Variants in KCNN2 observed in about 807,000 individuals in gnomAD.
KCNN2 encodes potassium calcium-activated channel subfamily N member 2, also known as small conductance calcium-activated potassium channel protein 2.
KCNN2 carries 24 observed loss-of-function variants against 55.5 expected under a neutral mutation model. That is an observed-to-expected ratio of 0.43 (90% CI 0.31 to 0.61). The LOEUF (loss-of-function observed/expected upper bound fraction) is 0.61, where lower values mean the gene tolerates loss of function less well. KCNN2 is among the 20% of genes least tolerant of loss of function. The pLI, the probability that KCNN2 is intolerant of heterozygous loss-of-function variation, is 0.08. For synonymous variants in KCNN2, 431 were observed against 336.1 expected (o/e 1.28, Z -3.09); for missense variants, 754 against 853.6 (o/e 0.88, Z 1.45).
intron 3 of KCNN2, among the ~76,000 whole-genome samples, chr5:114,415,082 T>G (rs1353903287): frequency 6.6e-6 from 1 of 152,214 alleles, no homozygotes; most frequent in Non-Finnish European, 1.5e-5. Context: ...TAATATATAG[T>G]CTTTTACATC....
intron 2 of KCNN2, among the ~76,000 whole-genome samples, chr5:114,355,725 G>A (rs769386223): frequency 3.3e-5 from 5 of 152,102 alleles, no homozygotes; most frequent in African/African-American, 4.8e-5. Flanking sequence ...GCAGGGTGAA[G>A]AATTTGAGCC....
At chr5:114,319,868 C>T (rs1001214676) in intron 2 of KCNN2, among the ~76,000 whole-genome samples, 3 of 152,172 alleles carry the variant, frequency 2.0e-5, no homozygotes, top group African/African-American at 7.2e-5. Flanking sequence ...AATTGTGACT[C>T]ATATAATCTG....
At chr5:114,159,840 G>A (rs369230314) in intron 1 of KCNN2, among the ~76,000 whole-genome samples, 23 of 152,046 alleles carry the variant, frequency 1.5e-4, no homozygotes, top group Non-Finnish European at 8.8e-5. Flanking sequence ...CTGTGAGATC[G>A]GTGGTGACAT....
At chr5:114,263,675 T>G (rs1175932089) in intron 2 of KCNN2, among the ~76,000 whole-genome samples, 1 of 152,138 alleles carries the variant, frequency 6.6e-6, no homozygotes, top group Non-Finnish European at 1.5e-5. Context: ...ATATAGAAAA[T>G]TTGGTCTTCA....
chr5:114,345,252 A>G (rs999940154), intron 2 of KCNN2, among the ~76,000 whole-genome samples: 3 of 152,218 alleles, frequency 2.0e-5, no homozygotes, highest in African/African-American at 4.8e-5. Context: ...AAAAAAAAAT[A>G]TACATGTGTC....
chr5:114,269,564 G>T (rs1755280461), intron 2 of KCNN2, among the ~76,000 whole-genome samples: 1 of 150,968 alleles, frequency 6.6e-6, no homozygotes, highest in African/African-American at 2.4e-5. Context: ...GAACACTGTA[G>T]ACCTTCCTTT....
intron 1 of KCNN2, among the ~76,000 whole-genome samples, chr5:114,205,514 G>A (rs893221038): frequency 2.0e-5 from 3 of 152,132 alleles, no homozygotes; most frequent in Non-Finnish European, 4.4e-5. Context: ...ATAGAAGTGC[G>A]AATTAAAAAG....
intron 1 of KCNN2, among the ~76,000 whole-genome samples, chr5:114,166,059 T>A (rs923408903): frequency 2.6e-4 from 40 of 151,996 alleles, no homozygotes; most frequent in African/African-American, 9.7e-4. Context: ...TTCTTTTTTT[T>A]ATTATTATTT....
At chr5:114,481,557 A>G (rs1357797644) in intron 5 of KCNN2, among the ~76,000 whole-genome samples, 3 of 152,198 alleles carry the variant, frequency 2.0e-5, no homozygotes, top group Non-Finnish European at 4.4e-5. Context: ...TAAAATTTAC[A>G]TGGAACCAAA....
intron 2 of KCNN2, among the ~76,000 whole-genome samples, chr5:114,383,561 T>G (rs988123437): frequency 2.0e-5 from 3 of 150,162 alleles, no homozygotes; most frequent in African/African-American, 7.4e-5. Flanking sequence ...CTCCGCCTTC[T>G]GGATTTAAGC....
chr5:114,419,851 A>G (rs1580813237), intron 3 of KCNN2, among the ~76,000 whole-genome samples: 1 of 152,328 alleles, frequency 6.6e-6, no homozygotes, highest in Non-Finnish European at 1.5e-5. Flanking sequence ...AATAAGAATT[A>G]GCCAGATGTG....
intron 2 of KCNN2, among the ~76,000 whole-genome samples, chr5:114,343,745 T>C (rs1306407141): frequency 6.6e-6 from 1 of 151,966 alleles, no homozygotes; most frequent in Non-Finnish European, 1.5e-5. Context: ...GGTGAGGGAA[T>C]GAGTGGTACA....
chr5:114,117,511 G>A (rs1751729356), intron 1 of KCNN2, among the ~76,000 whole-genome samples: 1 of 152,210 alleles, frequency 6.6e-6, no homozygotes, highest in Non-Finnish European at 1.5e-5. Context: ...ATGTACTTGG[G>A]TGACAACAGT....
chr5:114,167,018 A>G (rs1203400478), intron 1 of KCNN2, among the ~76,000 whole-genome samples: 3 of 152,212 alleles, frequency 2.0e-5, no homozygotes, highest in Non-Finnish European at 4.4e-5. Context: ...TGTAAGAAAT[A>G]AATTTCTGTT....
chr5:114,226,299 T>C (rs1754236638), intron 2 of KCNN2, among the ~76,000 whole-genome samples: 1 of 152,182 alleles, frequency 6.6e-6, no homozygotes, highest in African/African-American at 2.4e-5. Context: ...TACTGGCAAA[T>C]TCTCTGCAGT....
chr5:114,316,301 G>A (rs547955842), intron 2 of KCNN2, among the ~76,000 whole-genome samples: 1 of 152,184 alleles, frequency 6.6e-6, no homozygotes, highest in African/African-American at 2.4e-5. Context: ...AAGACAAATA[G>A]AAGCAAAACT....
chr5:114,157,680 T>A (rs1752665887), intron 1 of KCNN2, among the ~76,000 whole-genome samples: 2 of 152,180 alleles, frequency 1.3e-5, no homozygotes, highest in African/African-American at 4.8e-5. Flanking sequence ...GTTTCCTGAC[T>A]TTTTAGTGAT....
chr5:114,134,507 ATTTT>A, intron 1 of KCNN2, among the ~76,000 whole-genome samples: 1 of 144,856 alleles, frequency 6.9e-6, no homozygotes, highest in South Asian at 2.2e-4. Context: ...TTATTTATTT[ATTTT>A]GTCTCCTAGG....
chr5:114,343,901 T>G (rs1479237707), intron 2 of KCNN2, among the ~76,000 whole-genome samples: 1 of 152,192 alleles, frequency 6.6e-6, no homozygotes, highest in African/African-American at 2.4e-5. Flanking sequence ...CCTATTTATG[T>G]GGTCCTAGGG....
Sources: gnomAD v4.1 joint callset for allele counts (sites outside exome capture counted in the v4.1 genomes callset) on GRCh38, gnomAD v4.1.1 for gene constraint, MANE v1.5 for transcripts, NCBI Gene and HGNC (gene_info 2026-07-23, HGNC 2026-07-21) for gene names.